The following NPAT variants were observed in gnomAD, a reference collection of about 807,000 sequenced individuals.
The protein encoded by NPAT is protein NPAT.
A neutral mutation model predicts 130.7 loss-of-function variants in NPAT; 52 were observed. That is an observed-to-expected ratio of 0.40 (90% CI 0.32 to 0.50). The LOEUF (loss-of-function observed/expected upper bound fraction) is 0.50, where lower values mean the gene tolerates loss of function less well. Among genes scored for constraint, NPAT ranks in the 20% least tolerant of loss-of-function variants. The pLI is 0.68. For synonymous variants in NPAT, 580 were observed against 584.8 expected (o/e 0.99, Z 0.12); for missense variants, 1,687 against 1,662.6 (o/e 1.01, Z -0.26).
At chr11:108,177,177 T>A in intron 10 of NPAT, 87 bp from the exon 11 acceptor site, 1 of 600,292 alleles carries the variant, frequency 1.7e-6, no homozygotes, top group Non-Finnish European at 2.8e-6. Flanking sequence ...AGGGTCTCAC[T>A]CTTTTGCTCA....
intron 1 of NPAT, 109 bp from the exon 2 acceptor site, chr11:108,197,529 G>A: frequency 1.3e-6 from 1 of 787,468 alleles, no homozygotes; most frequent in Non-Finnish European, 2.3e-6. Flanking sequence ...GAAACCTTAG[G>A]TGGAATGCTC....
chr11:108,186,502 T>C lies in NPAT; in HGVS notation c.706A>G (p.Asn236Asp), dbSNP rs760857167. 3 of 1,613,976 alleles carry C rather than the reference T, an allele frequency of 1.9e-6. No individual in the cohort carries two copies. Among genetic ancestry groups the C allele is most frequent in the African/African-American group, 2.7e-5 (2 of 74,942 alleles). The change falls in exon 8 of 18, where the codon AAC becomes GAC. Residue 236 changes from asparagine to aspartate, a missense_variant. This residue lies in a region of NPAT where 307 missense variants were observed against 298.9 expected (regional missense o/e 1.03). Coordinates refer to ENST00000278612, the MANE Select transcript of NPAT (RefSeq NM_002519.3). ...HSTIRNFQDP[N>D]AFAVEKQMVI... ...CTTACTTTTTCTACTGCAAAAGCGT[T>C]TGGATCTTGGAAATTCCGTATTGTT...
rs201474496 is a variant in NPAT, at chr11:108,186,475, C to T, written c.726+7G>A. On this transcript the variant is annotated splice_region_variant and intron_variant, in intron 8 of 17. Transcript: ENST00000278612. The stretch of plus-strand genomic sequence containing the variant: ...TTTAAGTTGCAAAGTTTGGCAGAGT[C>T]ACTTACTTTTTCTACTGCAAAAGCG... 597 of 1,611,590 alleles carry T rather than the reference C, an allele frequency of 3.7e-4. 2 individuals are homozygous for T. Among genetic ancestry groups the T allele is most frequent in the Middle Eastern group, 6.6e-4 (4 of 6,056 alleles).
intron 1 of NPAT, among the ~76,000 whole-genome samples, chr11:108,220,143 G>A (rs538040805): frequency 6.6e-6 from 1 of 152,330 alleles, no homozygotes; most frequent in African/African-American, 2.4e-5. Flanking sequence ...AAACTGAACT[G>A]ATGGCCCAGA....
chr11:108,185,224 A>C lies in NPAT; in HGVS notation c.906+8T>G, dbSNP rs774918137. 8.1e-6 allele frequency: 13 copies of C among 1,597,684 alleles called. No individual in the cohort carries two copies. The Admixed American group carries it at 2.2e-4, about 27-fold the overall frequency. ...ACACGCACCCATGCACACCCCAACC[A>C]CCCATACCGGAAGTCCTAGGAATTC... On this transcript the variant is annotated splice_region_variant and intron_variant, in intron 10 of 17. Transcript: ENST00000278612.
At position 108,172,204 on chromosome 11, in the gene NPAT, G is replaced by T; in HGVS notation, c.2780C>A (p.Ser927Ter). 1 of 1,613,910 alleles carries T rather than the reference G, an allele frequency of 6.2e-7. No individual in the cohort carries two copies. The highest frequency in any genetic ancestry group is 1.1e-5 in the South Asian group (1 of 91,078). Residue 927 changes from serine (S) to a stop codon, truncating the protein, a stop_gained, in exon 13 of 18, where the codon TCA (serine) becomes TAA (stop). Transcript: ENST00000278612. LOFTEE classifies it high-confidence loss of function. ...AATTATGTTATTAAAGTTACCTTGT[G>T]AAAAGTTTGGTGACACAGCTTGGTT... is the stretch of plus-strand genomic sequence containing the variant. ...AVNQAVSPNF[S>*]QGSAIIIASP... is the part of the protein sequence containing the mutation.
At chr11:108,173,908 G>T in intron 12 of NPAT, 57 bp from the exon 13 acceptor site, 1 of 1,490,222 alleles carries the variant, frequency 6.7e-7, no homozygotes, top group Non-Finnish European at 9.3e-7. Context: ...TTCTGAGGTA[G>T]TCATTTTTGC....
chr11:108,172,336 C>G lies in NPAT; in HGVS notation c.2648G>C (p.Ser883Thr). Reference protein sequence around the residue: ...TDPTALGTSVSQSNVVVLPGN... With the variant: ...TDPTALGTSVTQSNVVVLPGN... ...AGGCAACACCACTACATTAGACTGA[C>G]TTACAGATGTTCCTAACGCTGTTGG... Residue 883 changes from serine to threonine, a missense_variant, in exon 13 of 18, where the codon AGT (serine) becomes ACT (threonine). This residue lies in a region of NPAT where 1,379 missense variants were observed against 1,346.6 expected (regional missense o/e 1.02). Transcript: ENST00000278612. The G allele has an allele frequency of 6.2e-7, 1 of 1,614,196 alleles. No individual in the cohort carries two copies. The highest frequency in any genetic ancestry group is 1.3e-5 in the African/African-American group (1 of 75,062).
rs1364691856 is a variant in NPAT, at chr11:108,222,564, A to G, written c.-28T>C. ...TCAAAACCACAGCAGGAACCACAATAAGGAACAAGACTCAGGTTAAAGCAA... is the reference window on the plus strand; with the variant it reads ...TCAAAACCACAGCAGGAACCACAATGAGGAACAAGACTCAGGTTAAAGCAA... On this transcript the variant is annotated 5_prime_UTR_variant, in exon 1 of 18. Transcript: ENST00000278612. 4 of 1,613,254 alleles carry G rather than the reference A, an allele frequency of 2.5e-6. No individual in the cohort carries two copies. The South Asian group carries it at 3.3e-5, about 13-fold the overall frequency.
In NPAT at chr11:108,161,977, C is replaced by T; in HGVS notation, c.3109G>A (p.Gly1037Arg). 6.2e-7 allele frequency: 1 copy of T among 1,603,258 alleles called. No individual in the cohort carries two copies. The highest frequency in any genetic ancestry group is 8.5e-7 in the Non-Finnish European group (1 of 1,175,808). The change falls in exon 17 of 18, where the codon GGG becomes AGG. Residue 1037 changes from glycine to arginine, a missense_variant. This residue lies in a region of NPAT where 1,379 missense variants were observed against 1,346.6 expected (regional missense o/e 1.02). Coordinates refer to ENST00000278612, the MANE Select transcript of NPAT (RefSeq NM_002519.3). The stretch of plus-strand genomic sequence containing the variant: ...ACTGTGGTTTCTTCTGATTTTTTCC[C>T]AAGATCTGTGGCAATACTTTTGTCA... ...VSDKSIATDL[G>R]KKSEETTVPF... is the part of the protein sequence containing the mutation.
In NPAT at chr11:108,197,316, G is replaced by A; in HGVS notation, c.142C>T (p.Pro48Ser). 6.3e-7 allele frequency: 1 copy of A among 1,598,868 alleles called. No homozygotes were observed. The highest frequency in any genetic ancestry group is 8.6e-7 in the Non-Finnish European group (1 of 1,166,262). ...AAATAACTCACCAGTAAGCAGGCTGGAATAAACCCTTCATCTGTACAATGT... is the reference window on the plus strand; with the variant it reads ...AAATAACTCACCAGTAAGCAGGCTGAAATAAACCCTTCATCTGTACAATGT... ...AEHCTDEGFI[P>S]ACLLSLFGKN... The change falls in exon 2 of 18, where the codon CCA becomes TCA. Residue 48 changes from proline (P) to serine (S), a missense_variant. Coordinates refer to ENST00000278612, the MANE Select transcript of NPAT (RefSeq NM_002519.3).
chr11:108,193,935 A>T, intron 3 of NPAT, 22 bp downstream of exon 3: 1 of 1,463,346 alleles, frequency 6.8e-7, no homozygotes, highest in Non-Finnish European at 9.6e-7. Flanking sequence ...TCAGCAAAAA[A>T]ACTCCAAATC....
Position 108,160,902 on chromosome 11 carries a change from G to A in NPAT, c.4184C>T (p.Pro1395Leu). Residue 1395 changes from proline to leucine, a missense_variant, in exon 17 of 18, where the codon CCA becomes CTA. By Grantham distance (98) the Pro-to-Leu change is moderately conservative (BLOSUM62 -3). Around this residue, in one of 3 missense-constraint regions of NPAT, gnomAD observed 1,379 missense variants for 1,346.6 expected, o/e 1.02. Transcript: ENST00000278612. ...SSKNLTNSSIPMKKKKIKKKK... is the reference protein window; with the variant it reads ...SSKNLTNSSILMKKKKIKKKK... ...TGCCTTAATTTTCTTCTTTTTCATTGGTATTGATGAATTTGTAAGATTTTT... is the reference window on the plus strand; with the variant it reads ...TGCCTTAATTTTCTTCTTTTTCATTAGTATTGATGAATTTGTAAGATTTTT... 6.2e-7 allele frequency: 1 copy of A among 1,613,516 alleles called. No homozygotes were observed. The highest frequency in any genetic ancestry group is 8.5e-7 in the Non-Finnish European group (1 of 1,179,794).
intron 1 of NPAT, among the ~76,000 whole-genome samples, chr11:108,198,577 G>A (rs941138956): frequency 1.3e-5 from 2 of 152,134 alleles, no homozygotes; most frequent in Non-Finnish European, 2.9e-5. Flanking sequence ...CTGAAAACTG[G>A]ACTGCCAGTT....
At chr11:108,180,399 A>C (rs1024709776) in intron 10 of NPAT, among the ~76,000 whole-genome samples, 2 of 152,264 alleles carry the variant, frequency 1.3e-5, no homozygotes, top group African/African-American at 2.4e-5. Context: ...TTGAACAATG[A>C]ACAAATAACT....
chr11:108,177,162 A>G (rs2078016089), intron 10 of NPAT, 72 bp from the exon 11 acceptor site: 2 of 675,566 alleles, frequency 3.0e-6, no homozygotes, highest in Admixed American at 4.9e-5. Context: ...ATATATATAT[A>G]AGACAGGGTC....
In NPAT at chr11:108,161,046, G is replaced by C. The variant is rs1303814262; in HGVS notation, c.4040C>G (p.Thr1347Ser). ...ILSRAAISRT[T>S]SATPLKDNTQ... ...GTTATCTTTCAGAGGAGTTGCTGAAGTAGTCCTAGAAATGGCTGCCCTGGA... is the reference window on the plus strand; with the variant it reads ...GTTATCTTTCAGAGGAGTTGCTGAACTAGTCCTAGAAATGGCTGCCCTGGA... The change falls in exon 17 of 18, where the codon ACT becomes AGT. Residue 1347 changes from threonine to serine, a missense_variant. This residue lies in a region of NPAT where 1,379 missense variants were observed against 1,346.6 expected (regional missense o/e 1.02). Coordinates refer to ENST00000278612, the MANE Select transcript of NPAT (RefSeq NM_002519.3). 1 of 1,614,146 alleles carries C rather than the reference G, an allele frequency of 6.2e-7. No homozygotes were observed. The highest frequency in any genetic ancestry group is 8.5e-7 in the Non-Finnish European group (1 of 1,180,028).
At chr11:108,211,021 C>A (rs1376004833) in intron 1 of NPAT, among the ~76,000 whole-genome samples, 2 of 151,578 alleles carry the variant, frequency 1.3e-5, no homozygotes, top group Admixed American at 1.3e-4. Context: ...GAGATTGAGA[C>A]CATCCTGGCC....
At chr11:108,180,685 AT>A (rs2078050728) in intron 10 of NPAT, among the ~76,000 whole-genome samples, 1 of 152,228 alleles carries the variant, frequency 6.6e-6, no homozygotes, top group Non-Finnish European at 1.5e-5. Flanking sequence ...AGGTCCAGCA[AT>A]CCCACTTCTG....
Sources: gnomAD v4.1 joint callset for allele counts (sites outside exome capture counted in the v4.1 genomes callset) on GRCh38, gnomAD v4.1.1 for gene constraint, gnomAD v4.1.1 regional missense constraint, MANE v1.5 for transcripts, NCBI Gene and HGNC (gene_info 2026-07-23, HGNC 2026-07-21) for gene names.